PIBF1: variants seen among roughly 807,000 people sequenced by gnomAD.
PIBF1 encodes the protein progesterone-induced-blocking factor 1.
In PIBF1, 90 loss-of-function variants were observed where a neutral mutation model predicts 112.5. The observed-to-expected ratio is 0.80, with a 90% CI of 0.67 to 0.95. PIBF1 has a LOEUF of 0.95. PIBF1 is among the 40% of genes least tolerant of loss of function. The pLI, the probability that PIBF1 is intolerant of heterozygous loss-of-function variation, is 0.00. For synonymous variants in PIBF1, 301 were observed against 288.6 expected (o/e 1.04, Z -0.44); for missense variants, 915 against 852.3 (o/e 1.07, Z -0.92).
At chr13:72,832,070 GCCTT>G (rs1404472113) in intron 8 of PIBF1, among the ~76,000 whole-genome samples, 2 of 56,218 alleles carry the variant, frequency 3.6e-5, no homozygotes, top group Admixed American at 2.5e-4. Context: ...TGCAATTCCG[GCCTT>G]TTTTTTTTTT....
chr13:72,950,605 G>C (rs2042269540), intron 14 of PIBF1, among the ~76,000 whole-genome samples: 1 of 152,162 alleles, frequency 6.6e-6, no homozygotes. Flanking sequence ...ATGCCATTTA[G>C]CTCATCATAA....
intron 14 of PIBF1, among the ~76,000 whole-genome samples, chr13:72,957,071 G>A (rs1017402354): frequency 3.3e-5 from 5 of 152,150 alleles, no homozygotes; most frequent in Admixed American, 6.5e-5. Context: ...TGGTGAGAAT[G>A]TAAACTAGTA....
chr13:73,010,853 T>G (rs1314593765), intron 17 of PIBF1, among the ~76,000 whole-genome samples: 2 of 129,472 alleles, frequency 1.5e-5, no homozygotes, highest in Non-Finnish European at 3.2e-5. Context: ...GACAGAGTTT[T>G]TCACTCTTTG....
At chr13:72,842,453 G>A (rs1020307468) in intron 9 of PIBF1, among the ~76,000 whole-genome samples, 7 of 152,094 alleles carry the variant, frequency 4.6e-5, no homozygotes, top group Admixed American at 2.0e-4. Context: ...TTTTCCTGCC[G>A]AATCAATAAA....
chr13:72,858,176 T>A (rs2038529891), intron 10 of PIBF1, among the ~76,000 whole-genome samples: 1 of 151,920 alleles, frequency 6.6e-6, no homozygotes, highest in Non-Finnish European at 1.5e-5. Context: ...TTCAGCCCCC[T>A]GAGTAGCTGG....
Position 72,998,966 on chromosome 13 carries a change from A to T in PIBF1, c.2194A>T (p.Asn732Tyr), listed in dbSNP as rs994564842. The T allele has an allele frequency of 1.9e-6, 3 of 1,607,688 alleles. No individual in the cohort carries two copies. Among genetic ancestry groups the T allele is most frequent in the South Asian group, 1.1e-5 (1 of 90,258 alleles). Residue 732 changes from asparagine (N) to tyrosine (Y), a missense_variant, in exon 17 of 18, where the codon AAT (asparagine) becomes TAT (tyrosine). Asn to Tyr is a moderately radical substitution (Grantham distance 143). Transcript: ENST00000326291. ...TLNVPKEHED[N>Y]IFTPKPTLFT... ...GAATGTGCCTAAAGAGCATGAAGAC[A>T]ATATATTTACACCTAAACCAACACT...
At position 73,009,875 on chromosome 13, in the gene PIBF1, A is replaced by T. The variant is rs898362385; in HGVS notation, c.2224-5994A>T. Among the ~76,000 whole-genome samples, 6 of 152,352 alleles carry T rather than the reference A, an allele frequency of 3.9e-5. No individual in the cohort carries two copies. In the East Asian group the frequency reaches 1.2e-3, roughly 29 times the overall value. ...GGTCTGCAGTGTAGCAGACACAGAT[A>T]AAAGGAGAGTCAGAAAGAACTGTCT... On this transcript the variant is annotated intron_variant, in intron 17 of 17. Coordinates refer to ENST00000326291, the MANE Select transcript of PIBF1 (RefSeq NM_006346.4).
intron 9 of PIBF1, among the ~76,000 whole-genome samples, chr13:72,853,439 A>G (rs1353034436): frequency 1.3e-5 from 2 of 152,066 alleles, no homozygotes; most frequent in African/African-American, 2.4e-5. Flanking sequence ...GTGCTGTTCT[A>G]CCTCCAAATC....
At chr13:72,911,385 T>C (rs1002934594) in intron 12 of PIBF1, among the ~76,000 whole-genome samples, 7 of 148,964 alleles carry the variant, frequency 4.7e-5, no homozygotes, top group Non-Finnish European at 1.0e-4. Flanking sequence ...AGCAAACAAA[T>C]GGAGAAAGGA....
intron 11 of PIBF1, among the ~76,000 whole-genome samples, chr13:72,896,222 C>A (rs988545711): frequency 6.6e-6 from 1 of 152,024 alleles, no homozygotes; most frequent in Non-Finnish European, 1.5e-5. Flanking sequence ...CATTTTGGCT[C>A]ACGGGAAGCC....
At chr13:72,826,059 A>T (rs547987059) in intron 6 of PIBF1, among the ~76,000 whole-genome samples, 61 of 151,496 alleles carry the variant, frequency 4.0e-4, no homozygotes, top group East Asian at 1.9e-3. Flanking sequence ...AAAAAAATTT[A>T]AAAAAAAGAT....
At chr13:72,831,262 C>T (rs1001230642) in intron 8 of PIBF1, among the ~76,000 whole-genome samples, 4 of 151,240 alleles carry the variant, frequency 2.6e-5, no homozygotes, top group African/African-American at 9.7e-5. Flanking sequence ...GTTTCTGTCT[C>T]CTTCAGTTCT....
intron 10 of PIBF1, among the ~76,000 whole-genome samples, chr13:72,893,111 C>T (rs1339570795): frequency 3.3e-5 from 5 of 151,926 alleles, no homozygotes; most frequent in Admixed American, 3.3e-4. Flanking sequence ...GTGTATTTTG[C>T]TTTTCTGTTA....
intron 17 of PIBF1, among the ~76,000 whole-genome samples, chr13:73,003,021 A>C (rs1056028771): frequency 6.9e-6 from 1 of 144,556 alleles, no homozygotes; most frequent in African/African-American, 2.5e-5. Context: ...TTAGGCTCTA[A>C]GTATGGTAGC....
intron 16 of PIBF1, among the ~76,000 whole-genome samples, chr13:72,981,519 A>G (rs1479037540): frequency 1.3e-5 from 2 of 152,120 alleles, no homozygotes; most frequent in African/African-American, 4.8e-5. Flanking sequence ...TGAAAATAGA[A>G]GTAAGTTTAT....
At chr13:72,871,068 G>C (rs772311823) in intron 10 of PIBF1, among the ~76,000 whole-genome samples, 2 of 152,122 alleles carry the variant, frequency 1.3e-5, no homozygotes, top group Non-Finnish European at 2.9e-5. Context: ...CTGAAGTCCA[G>C]ATGATTGGTA....
chr13:72,810,966 C>T (rs923562229), intron 5 of PIBF1, among the ~76,000 whole-genome samples: 30 of 151,892 alleles, frequency 2.0e-4, no homozygotes, highest in Admixed American at 8.5e-4. Context: ...ACACCATTCT[C>T]CTGCCTCAGC....
intron 14 of PIBF1, among the ~76,000 whole-genome samples, chr13:72,947,266 A>C (rs1332246648): frequency 6.6e-6 from 1 of 152,078 alleles, no homozygotes; most frequent in Non-Finnish European, 1.5e-5. Context: ...CATTGGCCCG[A>C]GCTGTACATT....
At chr13:72,996,178 T>C (rs9600055) in intron 16 of PIBF1, among the ~76,000 whole-genome samples, 1 of 114,056 alleles carries the variant, frequency 8.8e-6, no homozygotes, top group Non-Finnish European at 1.8e-5. Flanking sequence ...TTCCCTAACA[T>C]ATAAAGAGCT....
Sources: gnomAD v4.1 joint callset for allele counts (sites outside exome capture counted in the v4.1 genomes callset) on GRCh38, gnomAD v4.1.1 for gene constraint, MANE v1.5 for transcripts, NCBI Gene and HGNC (gene_info 2026-07-23, HGNC 2026-07-21) for gene names.